Variants in PTPRB observed in about 807,000 individuals in gnomAD.
PTPRB encodes the protein receptor-type tyrosine-protein phosphatase beta.
Under a neutral mutation model 238.1 loss-of-function variants are expected in PTPRB, and 97 were observed. That is an observed-to-expected ratio of 0.41 (90% CI 0.35 to 0.48). The LOEUF is 0.48. Ranked by LOEUF, PTPRB falls within the 20% of genes least tolerant of loss-of-function variation. The pLI, the probability that PTPRB is intolerant of heterozygous loss-of-function variation, is 0.30. For synonymous variants in PTPRB, 970 were observed against 995.4 expected, an observed-to-expected ratio of 0.97 and a Z score of 0.48; for missense variants, 2,292 against 2,681.9, an observed-to-expected ratio of 0.85 and a Z score of 3.21.
chr12:70,576,684 A>AGGGGGGG (rs1313001377), intron 10 of PTPRB, 39 bp from the exon 11 acceptor site: 168 of 29,824 alleles, frequency 5.6e-3, no homozygotes, highest in Non-Finnish European at 7.8e-3. Flanking sequence ...GGGGGGGGGA[A>AGGGGGGG]GGGGGATTCA....
Position 70,516,301 on chromosome 12 carries a change from G to C in PTPRB, c.*5188C>G, listed in dbSNP as rs1272442814. On this transcript the variant is annotated 3_prime_UTR_variant, in exon 34 of 34. Coordinates refer to ENST00000334414, the MANE Select transcript of PTPRB (RefSeq NM_001109754.4). Reference sequence around the variant, plus strand: ...GGAGCAATTTCAAGAAGTGTGTGTAGAATGTCTATGAGCTGTGCACTAATT... The same window carrying C: ...GGAGCAATTTCAAGAAGTGTGTGTACAATGTCTATGAGCTGTGCACTAATT... 6.6e-6 allele frequency: 1 copy of C among 152,198 alleles called. No individual in the cohort carries two copies. The highest frequency in any genetic ancestry group is 1.9e-4 in the East Asian group (1 of 5,192). 9.4% of individuals were successfully genotyped at this position (152,198 alleles called of 1,614,324 possible).
chr12:70,602,790 A>G (rs1883623259), intron 4 of PTPRB, among the ~76,000 whole-genome samples: 1 of 152,174 alleles, frequency 6.6e-6, no homozygotes. Flanking sequence ...GAGTTTTTCC[A>G]TATAAAAGGA....
intron 2 of PTPRB, among the ~76,000 whole-genome samples, chr12:70,629,493 T>C (rs907664225): frequency 6.6e-6 from 1 of 151,926 alleles, no homozygotes; most frequent in Non-Finnish European, 1.5e-5. Context: ...AGAGAAAGCA[T>C]GAAAGATCTA....
intron 4 of PTPRB, among the ~76,000 whole-genome samples, chr12:70,602,681 T>C (rs959997754): frequency 6.6e-6 from 1 of 152,152 alleles, no homozygotes; most frequent in African/African-American, 2.4e-5. Context: ...GGTGGGGATA[T>C]AGATGAAACA....
rs113848475 is a variant in PTPRB at position 70,549,037 on chromosome 12, G to A, written c.5387+3740C>T. 3.7e-3 allele frequency among the ~76,000 whole-genome samples: 558 copies of A among 152,232 alleles called. 3 individuals carry two copies. Among genetic ancestry groups the A allele is most frequent in the African/African-American group, 0.013 (539 of 41,528 alleles). On this transcript the variant is annotated intron_variant, in intron 21 of 33. Transcript: ENST00000334414. ...ACATTTCTGCCTCTATTTTGCAGAT[G>A]TGGCTTCTTTCTGTCTCCACATTGT...
intron 2 of PTPRB, among the ~76,000 whole-genome samples, chr12:70,627,279 A>G (rs1317666995): frequency 1.3e-5 from 2 of 152,146 alleles, no homozygotes; most frequent in Non-Finnish European, 2.9e-5. Flanking sequence ...GTGTTGAACC[A>G]GAGACTAAAC....
chr12:70,566,854 G>T, intron 14 of PTPRB, 150 bp from the exon 15 acceptor site: 1 of 783,896 alleles, frequency 1.3e-6, no homozygotes, highest in Non-Finnish European at 2.0e-6. Flanking sequence ...TGCCCTTATG[G>T]AGAAAAGAGG....
intron 32 of PTPRB, among the ~76,000 whole-genome samples, chr12:70,529,641 TAAG>T (rs950312814): frequency 3.1e-4 from 47 of 151,596 alleles, no homozygotes; most frequent in African/African-American, 9.5e-4. Flanking sequence ...TAATAATTAA[TAAG>T]AAGGATAATA....
At chr12:70,592,695 G>T in intron 6 of PTPRB, 150 bp from the exon 7 acceptor site, 1 of 846,640 alleles carries the variant, frequency 1.2e-6, no homozygotes, top group South Asian at 1.9e-5. Flanking sequence ...ATCCTCTTCA[G>T]ATGGTGAAAA....
rs574360156 is a variant in PTPRB at position 70,519,497 on chromosome 12, C to G, written c.*1992G>C. The G allele has an allele frequency of 4.6e-5, 7 of 152,202 alleles. No individual in the cohort carries two copies. The highest frequency in any genetic ancestry group is 1.0e-4 in the Non-Finnish European group (7 of 68,022). 9.4% of individuals were successfully genotyped at this position (152,202 alleles called of 1,614,324 possible). On this transcript the variant is annotated 3_prime_UTR_variant, in exon 34 of 34. Coordinates refer to ENST00000334414, the MANE Select transcript of PTPRB (RefSeq NM_001109754.4). Reference sequence around the variant, plus strand: ...GAAATGTGTAGATTCTGGAACAGTGCCTAGCAGGTTGCAGATACTTACTAG... The same window carrying G: ...GAAATGTGTAGATTCTGGAACAGTGGCTAGCAGGTTGCAGATACTTACTAG...
rs35835418 is a variant in PTPRB, at chr12:70,538,749, A to AT, written c.5869+174dup. 1,583 of 608,920 alleles carry AT rather than the reference A, an allele frequency of 2.6e-3. 17 individuals are homozygous for AT. Among genetic ancestry groups the AT allele is most frequent in the African/African-American group, 0.026 (1,404 of 54,162 alleles). 37.7% of individuals were successfully genotyped at this position (608,920 alleles called of 1,614,324 possible). On this transcript the variant is annotated intron_variant, in intron 27 of 33. Transcript: ENST00000334414. ...ATAATCAGAATTTAAACTGGCTATT[A>AT]TCCCTCTGGAGGGAAGTGCAGGAAT... is the stretch of plus-strand genomic sequence containing the variant.
chr12:70,525,146 A>G (rs528039018), intron 32 of PTPRB, among the ~76,000 whole-genome samples: 2 of 152,188 alleles, frequency 1.3e-5, no homozygotes, highest in South Asian at 4.1e-4. Flanking sequence ...TGAAGTAAAT[A>G]CAATTATCAG....
intron 28 of PTPRB, among the ~76,000 whole-genome samples, chr12:70,536,607 G>A (rs554609368): frequency 6.6e-6 from 1 of 152,190 alleles, no homozygotes; most frequent in African/African-American, 2.4e-5. Context: ...TTGACTGAGC[G>A]TCTACCATCT....
At chr12:70,583,720 C>A (rs922862610) in intron 9 of PTPRB, among the ~76,000 whole-genome samples, 1 of 152,062 alleles carries the variant, frequency 6.6e-6, no homozygotes, top group African/African-American at 2.4e-5. Flanking sequence ...CCCAGGTGAT[C>A]AAAGAACCTA....
intron 22 of PTPRB, among the ~76,000 whole-genome samples, chr12:70,544,115 A>G (rs944234977): frequency 3.9e-5 from 6 of 152,206 alleles, no homozygotes; most frequent in African/African-American, 1.4e-4. Flanking sequence ...AAAGGAAGAA[A>G]AATCACCTGT....
intron 8 of PTPRB, among the ~76,000 whole-genome samples, chr12:70,589,438 C>T (rs774400540): frequency 4.6e-5 from 7 of 152,212 alleles, no homozygotes; most frequent in Non-Finnish European, 8.8e-5. Flanking sequence ...TATGAGGATA[C>T]TGAAACATGA....
intron 4 of PTPRB, among the ~76,000 whole-genome samples, chr12:70,606,444 A>G (rs73328134): frequency 0.016 from 2,373 of 152,330 alleles, 70 homozygotes; most frequent in African/African-American, 0.054. Flanking sequence ...TTTATCAGGA[A>G]AAATAATCAG....
rs1368561604 is a variant in PTPRB, at chr12:70,555,338, G to A, written c.4994-29C>T. Reference sequence around the variant, plus strand: ...GAAAAAGAGGTGGGGAAGGAACCAAGAGGGGTCACAACTCTGCTTTCACAG... The same window carrying A: ...GAAAAAGAGGTGGGGAAGGAACCAAAAGGGGTCACAACTCTGCTTTCACAG... On this transcript the variant is annotated intron_variant, in intron 19 of 33. Coordinates refer to ENST00000334414, the MANE Select transcript of PTPRB (RefSeq NM_001109754.4). The A allele has an allele frequency of 1.9e-6, 3 of 1,593,170 alleles. No homozygotes were observed. In the East Asian group the frequency reaches 6.7e-5, roughly 36 times the overall value.
chr12:70,619,697 A>T (rs1884842904), intron 3 of PTPRB, among the ~76,000 whole-genome samples: 1 of 152,168 alleles, frequency 6.6e-6, no homozygotes, highest in Non-Finnish European at 1.5e-5. Context: ...ATGCAAGTGA[A>T]CCCTAACCCT....
Sources: gnomAD v4.1 joint callset for allele counts (sites outside exome capture counted in the v4.1 genomes callset) on GRCh38, gnomAD v4.1.1 for gene constraint, MANE v1.5 for transcripts, NCBI Gene and HGNC (gene_info 2026-07-23, HGNC 2026-07-21) for gene names.